EIF2B3: variants seen among roughly 807,000 people sequenced by gnomAD.
EIF2B3 encodes the protein eukaryotic translation initiation factor 2B subunit gamma, also known as translation initiation factor eIF2B subunit gamma.
A neutral mutation model predicts 54.1 loss-of-function variants in EIF2B3; 20 were observed. The ratio of observed to expected loss-of-function variants is 0.37; its 90% CI spans 0.26 to 0.54. The LOEUF is 0.54. Among genes scored for constraint, EIF2B3 ranks in the 20% least tolerant of loss-of-function variants. The pLI is 0.86. For missense variants in EIF2B3, 448 were observed against 547.8 expected, an observed-to-expected ratio of 0.82 and a Z score of 1.82; for synonymous variants, 153 against 188.1, an observed-to-expected ratio of 0.81 and a Z score of 1.52.
intron 5 of EIF2B3, among the ~76,000 whole-genome samples, chr1:44,919,882 A>ATTTTTTTTTTTTTTT (rs1643701790): frequency 9.4e-6 from 1 of 106,490 alleles, no homozygotes; most frequent in Non-Finnish European, 2.1e-5. Flanking sequence ...ATGCCTGGCT[A>ATTTTTTTTTTTTTTT]CTTTTTTTTT....
chr1:44,851,950 TC>T (rs886895782), intron 11 of EIF2B3, among the ~76,000 whole-genome samples: 8 of 138,486 alleles, frequency 5.8e-5, no homozygotes, highest in African/African-American at 1.4e-4. Flanking sequence ...ACTGTTTTAA[TC>T]CCTTTTTTTT....
intron 10 of EIF2B3, chr1:44,874,393 C>T: frequency 2.5e-6 from 1 of 393,832 alleles, no homozygotes; most frequent in Admixed American, 4.3e-5. Context: ...AGCTGTCATT[C>T]TTATCTCTGT....
chr1:44,943,777 A>G (rs1644066196), intron 3 of EIF2B3, among the ~76,000 whole-genome samples: 1 of 152,198 alleles, frequency 6.6e-6, no homozygotes, highest in African/African-American at 2.4e-5. Context: ...TATAGTAGTT[A>G]TGTAACTAAG....
intron 10 of EIF2B3, among the ~76,000 whole-genome samples, chr1:44,861,927 G>A (rs1321305263): frequency 6.6e-6 from 1 of 152,170 alleles, no homozygotes; most frequent in Non-Finnish European, 1.5e-5. Context: ...CAAGGCTGAG[G>A]TACTTTGGAA....
Position 44,897,364 on chromosome 1 carries a change from A to G in EIF2B3, c.647T>C (p.Met216Thr), listed in dbSNP as rs1437693828. 6 of 1,613,050 alleles carry G rather than the reference A, an allele frequency of 3.7e-6. No homozygotes were observed. Among genetic ancestry groups the G allele is most frequent in the Admixed American group, 3.3e-5 (2 of 59,956 alleles). ...CCACCCTTTTTCTTACCCATTTTCC[A>G]TTAGGAAATCCACGATGTATTTTTT... ...CLKKYIVDFLMENGSITSIRS... is the reference protein window; with the variant it reads ...CLKKYIVDFLTENGSITSIRS... The change falls in exon 6 of 12, where the codon ATG becomes ACG. Residue 216 changes from methionine to threonine, a missense_variant. Physicochemically the swap from Met to Thr is moderately conservative, Grantham distance 81. Coordinates refer to ENST00000360403, the MANE Select transcript of EIF2B3 (RefSeq NM_020365.5).
intron 3 of EIF2B3, among the ~76,000 whole-genome samples, chr1:44,972,861 A>G (rs992955371): frequency 6.6e-6 from 1 of 151,916 alleles, no homozygotes; most frequent in African/African-American, 2.4e-5. Context: ...CAATATAGTG[A>G]AACACCCTCA....
In EIF2B3 at chr1:44,982,608, T is replaced by G. The variant is rs147937357; in HGVS notation, c.-9-1431A>C. ...CCACGTGCCCATCCTATTTATTTAT[T>G]GTTTATTTAGAGACAGAGTCTTGCT... is the stretch of plus-strand genomic sequence containing the variant. On this transcript the variant is annotated intron_variant, in intron 1 of 11. Coordinates refer to ENST00000360403, the MANE Select transcript of EIF2B3 (RefSeq NM_020365.5). Among the ~76,000 whole-genome samples, 1,390 of 151,860 alleles carry G rather than the reference T, an allele frequency of 9.2e-3. 22 individuals carry two copies. Among genetic ancestry groups the G allele is most frequent in the African/African-American group, 0.031 (1,298 of 41,424 alleles).
chr1:44,969,793 T>G (rs1024333871), intron 3 of EIF2B3, among the ~76,000 whole-genome samples: 1 of 152,232 alleles, frequency 6.6e-6, no homozygotes, highest in Admixed American at 6.5e-5. Flanking sequence ...CTACAACTTG[T>G]GTTTAACAAT....
chr1:44,928,273 G>A (rs1460413137), intron 4 of EIF2B3, among the ~76,000 whole-genome samples: 2 of 151,934 alleles, frequency 1.3e-5, no homozygotes, highest in African/African-American at 2.4e-5. Context: ...GGTGAAACTC[G>A]TCTCTACTAA....
intron 3 of EIF2B3, among the ~76,000 whole-genome samples, chr1:44,972,946 T>C (rs909651286): frequency 2.0e-5 from 3 of 151,378 alleles, no homozygotes; most frequent in African/African-American, 4.9e-5. Flanking sequence ...GAGGCTGAGA[T>C]AGGAGCATCG....
At chr1:44,939,595 T>C (rs1266620561) in intron 4 of EIF2B3, among the ~76,000 whole-genome samples, 1 of 152,294 alleles carries the variant, frequency 6.6e-6, no homozygotes, top group African/African-American at 2.4e-5. Context: ...TTCCACATTG[T>C]ATACATAAAT....
intron 5 of EIF2B3, among the ~76,000 whole-genome samples, chr1:44,922,895 G>C (rs530423832): frequency 1.1e-4 from 13 of 121,474 alleles, no homozygotes; most frequent in African/African-American, 4.1e-4. Context: ...GCCCAGGCTG[G>C]AGTGCAGCGG....
At chr1:44,933,473 C>T (rs911973332) in intron 4 of EIF2B3, among the ~76,000 whole-genome samples, 4 of 151,904 alleles carry the variant, frequency 2.6e-5, no homozygotes, top group African/African-American at 4.8e-5. Context: ...AATAAAAGCA[C>T]GTTATTTGGA....
intron 10 of EIF2B3, among the ~76,000 whole-genome samples, chr1:44,858,920 C>T (rs1654523342): frequency 6.6e-6 from 1 of 152,206 alleles, no homozygotes; most frequent in Non-Finnish European, 1.5e-5. Flanking sequence ...AAGCCAACTC[C>T]ATTCCACATA....
intron 5 of EIF2B3, among the ~76,000 whole-genome samples, chr1:44,924,180 T>TC (rs911444576): frequency 6.6e-5 from 10 of 151,962 alleles, no homozygotes; most frequent in African/African-American, 2.4e-4. Context: ...GACCTCGTGA[T>TC]CCCCCCGCCT....
intron 3 of EIF2B3, chr1:44,969,911 G>T (rs1342524334): frequency 6.6e-6 from 1 of 152,166 alleles, no homozygotes; most frequent in Non-Finnish European, 1.5e-5. Flanking sequence ...ACATTATTAT[G>T]GAGAAAATAT....
chr1:44,953,179 A>G (rs1644187214), intron 3 of EIF2B3, among the ~76,000 whole-genome samples: 1 of 151,002 alleles, frequency 6.6e-6, no homozygotes, highest in East Asian at 1.9e-4. Flanking sequence ...CAGAAAACAC[A>G]CAATTTATTT....
In EIF2B3 at chr1:44,881,544, T is replaced by G; in HGVS notation, c.784+68A>C. ...TCAGGCATCTTGGGCTGGGCTAAGCTGCCCAACCACTCTTTCCAAAGGTGC... is the reference window on the plus strand; with the variant it reads ...TCAGGCATCTTGGGCTGGGCTAAGCGGCCCAACCACTCTTTCCAAAGGTGC... On this transcript the variant is annotated intron_variant, in intron 7 of 11. Coordinates refer to ENST00000360403, the MANE Select transcript of EIF2B3 (RefSeq NM_020365.5). This position sits in a 1 kb window ranked among gnomAD's most constrained non-coding sequence, Gnocchi z 4.0. The G allele has an allele frequency of 6.3e-7, 1 of 1,596,154 alleles. No individual in the cohort carries two copies. The highest frequency in any genetic ancestry group is 8.6e-7 in the Non-Finnish European group (1 of 1,167,008).
rs142161423 is a variant in EIF2B3, at chr1:44,913,535, C to T, written c.566+13093G>A. Reference sequence around the variant, plus strand: ...AAAAAATCTTGTACAGATAGGGTCTCACTCTGTCACCCAGGCTAGAGTTCA... The same window carrying T: ...AAAAAATCTTGTACAGATAGGGTCTTACTCTGTCACCCAGGCTAGAGTTCA... On this transcript the variant is annotated intron_variant, in intron 5 of 11. Transcript: ENST00000360403. Among the ~76,000 whole-genome samples the T allele has an allele frequency of 3.4e-3, 510 of 152,120 alleles. 1 individual carries two copies. The highest frequency in any genetic ancestry group is 0.01 in the Middle Eastern group (3 of 294).
Sources: gnomAD v4.1 joint callset for allele counts (sites outside exome capture counted in the v4.1 genomes callset) on GRCh38, gnomAD v4.1.1 for gene constraint, Gnocchi (gnomAD v3.1) non-coding constraint, MANE v1.5 for transcripts, NCBI Gene and HGNC (gene_info 2026-07-23, HGNC 2026-07-21) for gene names.